The following MARK3 variants were observed in gnomAD, a reference collection of about 807,000 sequenced individuals.
MARK3 encodes microtubule affinity regulating kinase 3, also known as MAP/microtubule affinity-regulating kinase 3.
A neutral mutation model predicts 90.1 loss-of-function variants in MARK3; 46 were observed. That is an observed-to-expected ratio of 0.51 (90% CI 0.40 to 0.65). The LOEUF (loss-of-function observed/expected upper bound fraction) is 0.65, where lower values mean the gene tolerates loss of function less well. Among genes scored for constraint, MARK3 ranks in the 30% least tolerant of loss-of-function variants. The probability of loss-of-function intolerance (pLI) is 0.00; values close to 1 mark genes in which losing one functional copy is unlikely to be tolerated. For synonymous variants in MARK3, 321 were observed against 332.6 expected, an observed-to-expected ratio of 0.97 and a Z score of 0.38; for missense variants, 818 against 947.2, an observed-to-expected ratio of 0.86 and a Z score of 1.79.
intron 13 of MARK3, among the ~76,000 whole-genome samples, chr14:103,477,510 T>C (rs1288917626): frequency 1.3e-5 from 2 of 151,488 alleles, no homozygotes; most frequent in Non-Finnish European, 2.9e-5. Flanking sequence ...AAAAAAAAAG[T>C]CCATAGCTGT....
intron 6 of MARK3, among the ~76,000 whole-genome samples, chr14:103,460,379 C>T (rs891786411): frequency 2.6e-5 from 4 of 152,026 alleles, no homozygotes; most frequent in Admixed American, 6.6e-5. Context: ...GCCACGCGCC[C>T]GGCACAGCTC....
chr14:103,466,077 C>G lies in MARK3; in HGVS notation c.883C>G (p.Arg295Gly). 2 of 1,613,900 alleles carry G rather than the reference C, an allele frequency of 1.2e-6. No individual in the cohort carries two copies. The highest frequency in any genetic ancestry group is 1.7e-6 in the Non-Finnish European group (2 of 1,179,990). The stretch of plus-strand genomic sequence containing the variant: ...TTTCCTGGTGCTAAATCCAATTAAA[C>G]GCGGCACTCTAGAGGTAATCATGTA... ...KRFLVLNPIK[R>G]GTLEQIMKDR... The change falls in exon 9 of 18, where the codon CGC (arginine) becomes GGC (glycine). Residue 295 changes from arginine (R) to glycine (G), a missense_variant. Around this residue, in one of 3 missense-constraint regions of MARK3, gnomAD observed 560 missense variants for 613.5 expected, o/e 0.91. Coordinates refer to ENST00000429436, the MANE Select transcript of MARK3 (RefSeq NM_001128918.3).
intron 13 of MARK3, among the ~76,000 whole-genome samples, chr14:103,475,685 G>A (rs891242089): frequency 3.3e-5 from 5 of 152,126 alleles, no homozygotes; most frequent in Admixed American, 6.5e-5. Flanking sequence ...GGTGGCTCAC[G>A]CCTGTAATCT....
chr14:103,435,346 G>C (rs2092688340), intron 3 of MARK3, among the ~76,000 whole-genome samples: 2 of 150,650 alleles, frequency 1.3e-5, no homozygotes, highest in South Asian at 2.1e-4. Flanking sequence ...ATGGCTCCTA[G>C]TCTGTCTTCA....
chr14:103,485,854 C>G (rs7155401), intron 14 of MARK3, among the ~76,000 whole-genome samples: 4,262 of 152,072 alleles, frequency 0.028, 221 homozygotes, highest in African/African-American at 0.097. Context: ...ACAAAGTAGC[C>G]TGAGACCCCC....
chr14:103,455,600 C>T (rs1299131059), intron 5 of MARK3, among the ~76,000 whole-genome samples: 7 of 151,804 alleles, frequency 4.6e-5, no homozygotes, highest in Admixed American at 3.9e-4. Flanking sequence ...TGGTGACGCA[C>T]GCCTGTAATC....
chr14:103,455,601 G>A (rs1396189038), intron 5 of MARK3, among the ~76,000 whole-genome samples: 5 of 151,800 alleles, frequency 3.3e-5, no homozygotes, highest in Non-Finnish European at 5.9e-5. Context: ...GGTGACGCAC[G>A]CCTGTAATCC....
At chr14:103,430,539 G>A (rs560820852) in intron 3 of MARK3, among the ~76,000 whole-genome samples, 6 of 152,260 alleles carry the variant, frequency 3.9e-5, no homozygotes, top group African/African-American at 1.2e-4. Flanking sequence ...TAAAGCTGTG[G>A]AGCATGCCCT....
chr14:103,427,497 C>CAAAAAAAAAAAAAAAAAAAAAA (rs71126021), intron 2 of MARK3, among the ~76,000 whole-genome samples: 77 of 110,786 alleles, frequency 7.0e-4, no homozygotes, highest in African/African-American at 2.3e-3. Context: ...GAGACTGTTT[C>CAAAAAAAAAAAAAAAAAAAAAA]AAAAAAAAAA....
At chr14:103,399,459 C>G (rs1018831214) in intron 1 of MARK3, among the ~76,000 whole-genome samples, 2 of 151,954 alleles carry the variant, frequency 1.3e-5, no homozygotes, top group African/African-American at 4.8e-5. Context: ...CCTGTAATCC[C>G]AGCACTTTGG....
At chr14:103,493,483 C>G (rs1369833109) in intron 15 of MARK3, among the ~76,000 whole-genome samples, 1 of 151,978 alleles carries the variant, frequency 6.6e-6, no homozygotes, top group Non-Finnish European at 1.5e-5. Flanking sequence ...CAGAATCAGC[C>G]AAAGAGCTTT....
Position 103,501,030 on chromosome 14 carries a change from C to G in MARK3, c.1916+830C>G, listed in dbSNP as rs183660428. 1.2e-3 allele frequency among the ~76,000 whole-genome samples: 189 copies of G among 152,288 alleles called. 1 individual carries two copies. Among genetic ancestry groups the G allele is most frequent in the Admixed American group, 2.0e-3 (31 of 15,302 alleles). On this transcript the variant is annotated intron_variant, in intron 17 of 17. Transcript: ENST00000429436. ...GTTCTAGGTCTCTTCCACTTGTGCCCTTTTTTTATGCCAGTCACCAGCAGG... is the reference window on the plus strand; with the variant it reads ...GTTCTAGGTCTCTTCCACTTGTGCCGTTTTTTTATGCCAGTCACCAGCAGG...
intron 1 of MARK3, among the ~76,000 whole-genome samples, chr14:103,402,545 T>A (rs374600092): frequency 9.9e-5 from 7 of 70,538 alleles, no homozygotes; most frequent in East Asian, 7.8e-4. Context: ...AGACTCCATC[T>A]CAAAAAAAAA....
At chr14:103,416,662 C>T (rs986952562) in intron 2 of MARK3, among the ~76,000 whole-genome samples, 4 of 152,120 alleles carry the variant, frequency 2.6e-5, no homozygotes, top group Admixed American at 1.3e-4. Context: ...ATCCCAGCTA[C>T]TCAGGAAGCT....
At chr14:103,469,531 G>T (rs892761395) in intron 12 of MARK3, among the ~76,000 whole-genome samples, 12 of 151,874 alleles carry the variant, frequency 7.9e-5, no homozygotes, top group Admixed American at 5.9e-4. Context: ...TGTTACCCAG[G>T]CTGGAGTGCA....
intron 1 of MARK3, among the ~76,000 whole-genome samples, chr14:103,389,528 C>CAAAAAAAAAAA (rs67737305): frequency 0.034 from 1,679 of 49,752 alleles, 285 homozygotes; most frequent in East Asian, 0.075. Context: ...ACTCTGTCTC[C>CAAAAAAAAAAA]AAAAAAAAAA....
At chr14:103,476,994 G>C (rs2093726086) in intron 13 of MARK3, among the ~76,000 whole-genome samples, 1 of 152,080 alleles carries the variant, frequency 6.6e-6, no homozygotes, top group African/African-American at 2.4e-5. Context: ...CTTCCCCTTT[G>C]CTCTTGTCTA....
intron 1 of MARK3, among the ~76,000 whole-genome samples, chr14:103,394,682 G>A (rs1404516589): frequency 6.6e-6 from 1 of 152,212 alleles, no homozygotes; most frequent in Non-Finnish European, 1.5e-5. Flanking sequence ...TGTGGGGTTT[G>A]TGTATGGACA....
rs533213066 is a variant in MARK3 at position 103,503,765 on chromosome 14, A to T, written c.*538A>T. 2 of 153,442 alleles carry T rather than the reference A, an allele frequency of 1.3e-5. No individual in the cohort carries two copies. The highest frequency in any genetic ancestry group is 3.8e-4 in the East Asian group (2 of 5,200). The allele number at this position is 153,442 out of a possible 1,614,324, so 9.5% of individuals were successfully genotyped here. A position where few individuals can be genotyped will look rare whatever the true frequency, so the allele number is the denominator to read the frequency against. ...AAGGTTTAAATTTATAGTTGTGAAC[A>T]TTGCTTGTGTGTGTTTTTCTAAGTA... On this transcript the variant is annotated 3_prime_UTR_variant, in exon 18 of 18. Coordinates refer to ENST00000429436, the MANE Select transcript of MARK3 (RefSeq NM_001128918.3).
Sources: gnomAD v4.1 joint callset for allele counts (sites outside exome capture counted in the v4.1 genomes callset) on GRCh38, gnomAD v4.1.1 for gene constraint, gnomAD v4.1.1 regional missense constraint, MANE v1.5 for transcripts, NCBI Gene and HGNC (gene_info 2026-07-23, HGNC 2026-07-21) for gene names.